TEAD2: variants seen among roughly 807,000 people sequenced by gnomAD.
TEAD2 encodes transcriptional enhancer factor TEF-4.
TEAD2 carries 51 observed loss-of-function variants against 61.4 expected under a neutral mutation model. The ratio of observed to expected loss-of-function variants is 0.83; its 90% CI spans 0.66 to 1.05. TEAD2 has a LOEUF of 1.05. Among genes scored for constraint, TEAD2 ranks in the 50% least tolerant of loss-of-function variants. TEAD2 has a pLI of 0.00. For missense variants in TEAD2, 509 were observed against 600.0 expected, an observed-to-expected ratio of 0.85 and a Z score of 1.58; for synonymous variants, 244 against 243.2, an observed-to-expected ratio of 1.00 and a Z score of -0.03.
chr19:49,342,664 C>T, intron 11 of TEAD2, 74 bp from the exon 12 acceptor site: 1 of 1,563,432 alleles, frequency 6.4e-7, no homozygotes, highest in Non-Finnish European at 8.7e-7. Context: ...TTGAGCTCCA[C>T]CCTGTGCCTC....
In TEAD2 at chr19:49,359,520, CAG is replaced by C. The variant is rs1972665079; in HGVS notation, c.233-23_233-22del. The C allele has an allele frequency of 5.0e-6, 8 of 1,613,388 alleles. No homozygotes were observed. The East Asian group carries it at 8.9e-5, about 18-fold the overall frequency. On this transcript the variant is annotated intron_variant, in intron 2 of 12. Coordinates refer to ENST00000593945, the MANE Select transcript of TEAD2 (RefSeq NM_001256660.2). The surrounding 1 kb of genome is among the most constrained non-coding windows in gnomAD (Gnocchi z 4.1). ...CCGACCTGAAGATTCAAAGACGGAA[CAG>C]AGTTAGTTAGACTTTCAACAGAACT...
chr19:49,359,380 G>T lies in TEAD2; in HGVS notation c.297+55C>A. The T allele has an allele frequency of 6.4e-7, 1 of 1,557,184 alleles. No homozygotes were observed. Among genetic ancestry groups the T allele is most frequent in the South Asian group, 1.1e-5 (1 of 89,396 alleles). Reference sequence around the variant, plus strand: ...AACCTGAACCTGCCCATGCGAGGATGACCCTAAGAAGACCGGCCCATCCCA... The same window carrying T: ...AACCTGAACCTGCCCATGCGAGGATTACCCTAAGAAGACCGGCCCATCCCA... On this transcript the variant is annotated intron_variant, in intron 3 of 12. Coordinates refer to ENST00000593945, the MANE Select transcript of TEAD2 (RefSeq NM_001256660.2). This position sits in a 1 kb window ranked among gnomAD's most constrained non-coding sequence, Gnocchi z 4.1.
chr19:49,360,800 G>GC (rs1555786387), intron 1 of TEAD2, among the ~76,000 whole-genome samples: 1 of 29,970 alleles, frequency 3.3e-5, no homozygotes. Context: ...AGACCAGCAA[G>GC]GGGGGGGGAC....
In TEAD2 at chr19:49,358,640, T is replaced by C. The variant is rs188450761; in HGVS notation, c.297+795A>G. 5.5e-3 allele frequency among the ~76,000 whole-genome samples: 835 copies of C among 150,852 alleles called. 6 individuals carry two copies. Among genetic ancestry groups the C allele is most frequent in the African/African-American group, 0.019 (794 of 41,202 alleles). The stretch of plus-strand genomic sequence containing the variant: ...AGCTCTTTTCTTTCTTTCTTTCTTT[T>C]TTTTTTTTTTTGAGGTGGAGTCTGG... On this transcript the variant is annotated intron_variant, in intron 3 of 12. Transcript: ENST00000593945.
Position 49,342,602 on chromosome 19 carries a change from G to A in TEAD2, c.1090-12C>T. ...TGGGCCCGTTCCGTCTGAACCAAGG[G>A]GAAGGGAGTTGGGAAAATGGTGGCT... On this transcript the variant is annotated splice_polypyrimidine_tract_variant and intron_variant, in intron 11 of 12. Coordinates refer to ENST00000593945, the MANE Select transcript of TEAD2 (RefSeq NM_001256660.2). The A allele has an allele frequency of 6.2e-7, 1 of 1,604,994 alleles. No homozygotes were observed. The highest frequency in any genetic ancestry group is 8.5e-7 in the Non-Finnish European group (1 of 1,173,136).
At chr19:49,355,539 G>C in intron 5 of TEAD2, 120 bp from the exon 6 acceptor site, 1 of 805,614 alleles carries the variant, frequency 1.2e-6, no homozygotes, top group Non-Finnish European at 2.0e-6. Context: ...AAGGCAAAGG[G>C]TTAGTGGCCG....
chr19:49,345,896 G>A (rs1971596328), intron 10 of TEAD2, among the ~76,000 whole-genome samples: 2 of 152,072 alleles, frequency 1.3e-5, no homozygotes, highest in African/African-American at 4.8e-5. Flanking sequence ...CAGGTGCAGT[G>A]GCTCATGCCT....
At chr19:49,351,189 A>G in intron 8 of TEAD2, 112 bp downstream of exon 8, 1 of 1,141,048 alleles carries the variant, frequency 8.8e-7, no homozygotes, top group Admixed American at 2.7e-5. Flanking sequence ...AAACAAAACA[A>G]AATAAAACAA....
rs57972114 is a variant in TEAD2, at chr19:49,353,954, T to TATTTTA, written c.539+1193_539+1194insTAAAAT. On this transcript the variant is annotated intron_variant, in intron 7 of 12. Transcript: ENST00000593945. ...TGCCACCACGCCCAGCTAATTGTTT[T>TATTTTA]TTGTTTTTTTTTTTTTGGTGTTTTT... Among the ~76,000 whole-genome samples the TATTTTA allele has an allele frequency of 2.2e-3, 278 of 129,172 alleles. 1 individual carries two copies. Among genetic ancestry groups the TATTTTA allele is most frequent in the Non-Finnish European group, 2.8e-3 (174 of 61,762 alleles). The allele number at this position is 129,172 out of a possible 152,430, so 84.7% of individuals were successfully genotyped here.
intron 10 of TEAD2, among the ~76,000 whole-genome samples, chr19:49,343,689 G>A (rs1971448044): frequency 6.6e-6 from 1 of 150,646 alleles, no homozygotes; most frequent in African/African-American, 2.4e-5. Flanking sequence ...GGTGAGCCGA[G>A]ATCATACCAT....
chr19:49,350,601 C>G (rs1414636497), intron 8 of TEAD2, among the ~76,000 whole-genome samples: 1 of 152,060 alleles, frequency 6.6e-6, no homozygotes, highest in African/African-American at 2.4e-5. Context: ...TCCCAAAGTG[C>G]TGGGATTACA....
chr19:49,360,794 C>G (rs112770107), intron 1 of TEAD2, among the ~76,000 whole-genome samples: 1 of 49,370 alleles, frequency 2.0e-5, no homozygotes, highest in African/African-American at 1.3e-4. Flanking sequence ...GGACAGAGAC[C>G]AGCAAGGGGG....
chr19:49,347,099 A>G, intron 10 of TEAD2, 91 bp downstream of exon 10: 2 of 1,505,926 alleles, frequency 1.3e-6, no homozygotes, highest in Non-Finnish European at 1.8e-6. Flanking sequence ...CTGACCTGGT[A>G]GGGCCCGCGA....
Position 49,355,965 on chromosome 19 carries a change from C to A in TEAD2, c.366G>T (p.Leu122=). ...GATGGGCAGAGGAACTTACCACGTT[C>A]AGAGCCTGCCCGTGGGGGTGGGGGA... ...SREIQSKLKA[L]NVDQVSKDKA... is the part of the protein sequence containing the mutation. Residue 122 remains leucine, a synonymous_variant, in exon 5 of 13, where the codon CTG becomes CTT. Transcript: ENST00000593945. 1 of 1,256,594 alleles carries A rather than the reference C, an allele frequency of 8.0e-7. No individual in the cohort carries two copies. The highest frequency in any genetic ancestry group is 1.0e-6 in the Non-Finnish European group (1 of 1,000,524). The allele number at this position is 1,256,594 out of a possible 1,614,324, so 77.8% of individuals were successfully genotyped here.
intron 7 of TEAD2, among the ~76,000 whole-genome samples, chr19:49,352,277 C>T (rs757599460): frequency 2.6e-5 from 4 of 152,188 alleles, no homozygotes; most frequent in Non-Finnish European, 4.4e-5. Context: ...GGCCACTGAG[C>T]ACAAGTGTGG....
intron 5 of TEAD2, among the ~76,000 whole-genome samples, chr19:49,355,653 C>T (rs2146545807): frequency 6.6e-6 from 1 of 152,182 alleles, no homozygotes; most frequent in Middle Eastern, 3.4e-3. Flanking sequence ...ATGGTGAAAC[C>T]CTGTCTCTAC....
At chr19:49,360,388 G>C in intron 1 of TEAD2, 1 of 418,840 alleles carries the variant, frequency 2.4e-6, no homozygotes, top group Non-Finnish European at 4.3e-6. Flanking sequence ...ACTCCTGGGT[G>C]TGAGGGAGAA....
rs1305895617 is a variant in TEAD2 at position 49,341,634 on chromosome 19, C to T, written c.1243-197G>A. Among the ~76,000 whole-genome samples the T allele has an allele frequency of 6.6e-6, 1 of 152,162 alleles. No individual in the cohort carries two copies. Among genetic ancestry groups the T allele is most frequent in the Non-Finnish European group, 1.5e-5 (1 of 68,024 alleles). On this transcript the variant is annotated intron_variant, in intron 12 of 12. Coordinates refer to ENST00000593945, the MANE Select transcript of TEAD2 (RefSeq NM_001256660.2). The surrounding 1 kb of genome is among the most constrained non-coding windows in gnomAD (Gnocchi z 4.2). ...CTGGGCAATGGGGGTTACCCCTCAG[C>T]TGAGCGTTGGCAGTTATGGTGTATC...
At chr19:49,354,996 CAT>C in intron 7 of TEAD2, 150 bp downstream of exon 7, 1 of 562,622 alleles carries the variant, frequency 1.8e-6, no homozygotes, top group Non-Finnish European at 3.3e-6. Flanking sequence ...AGCAAGACTC[CAT>C]GTCAATAAAT....
Sources: allele counts gnomAD v4.1 joint callset (sites outside exome capture counted in the v4.1 genomes callset), GRCh38; gene constraint gnomAD v4.1.1; non-coding constraint Gnocchi (gnomAD v3.1); transcripts MANE v1.5; gene names NCBI Gene and HGNC (gene_info 2026-07-23, HGNC 2026-07-21).